PKIG: variants seen among roughly 807,000 people sequenced by gnomAD.
PKIG encodes cAMP-dependent protein kinase inhibitor gamma.
A neutral mutation model predicts 6.8 loss-of-function variants in PKIG; 1 was observed. The ratio of observed to expected loss-of-function variants is 0.15; its 90% CI spans 0.05 to 0.69. The LOEUF (loss-of-function observed/expected upper bound fraction) is 0.69, where lower values mean the gene tolerates loss of function less well. PKIG is among the 30% of genes least tolerant of loss of function. The pLI, the probability that PKIG is intolerant of heterozygous loss-of-function variation, is 0.82. For synonymous variants in PKIG, 39 were observed against 43.0 expected (o/e 0.91, Z 0.36); for missense variants, 77 against 104.0 (o/e 0.74, Z 1.13).
intron 1 of PKIG, among the ~76,000 whole-genome samples, chr20:44,541,791 C>T (rs1057450101): frequency 6.7e-6 from 1 of 148,980 alleles, no homozygotes; most frequent in African/African-American, 2.5e-5. Context: ...CAGGTTCAAG[C>T]GATTCTCCTG....
In PKIG at chr20:44,614,606, C is replaced by G. The variant is rs759800680; in HGVS notation, c.50C>G (p.Thr17Arg). ...TCGGACTTCATCTCCTGTGACCGGACAGGCCGTCGGAATGCGGTCCCTGAC... is the reference window on the plus strand; with the variant it reads ...TCGGACTTCATCTCCTGTGACCGGAGAGGCCGTCGGAATGCGGTCCCTGAC... ...SYSDFISCDR[T>R]GRRNAVPDIQ... Residue 17 changes from threonine to arginine, a missense_variant, in exon 3 of 4, where the codon ACA (threonine) becomes AGA (arginine). Coordinates refer to ENST00000372886, the MANE Select transcript of PKIG (RefSeq NM_001281445.2). This position sits in a 1 kb window ranked among gnomAD's most constrained non-coding sequence, Gnocchi z 4.6. The G allele has an allele frequency of 6.2e-7, 1 of 1,614,110 alleles. No individual in the cohort carries two copies. Among genetic ancestry groups the G allele is most frequent in the South Asian group, 1.1e-5 (1 of 91,084 alleles).
At chr20:44,617,046 TC>T (rs1295451361) in intron 3 of PKIG, among the ~76,000 whole-genome samples, 4 of 152,188 alleles carry the variant, frequency 2.6e-5, no homozygotes, top group Non-Finnish European at 5.9e-5. Flanking sequence ...CCACCCTTGA[TC>T]CAGGCAAATC....
chr20:44,578,178 A>G (rs1274431058), upstream of PKIG, among the ~76,000 whole-genome samples: 1 of 151,440 alleles, frequency 6.6e-6, no homozygotes, highest in Non-Finnish European at 1.5e-5. Flanking sequence ...ATCTCTACTA[A>G]GCATACAAAA....
chr20:44,571,070 C>T (rs1265408704), intron 1 of PKIG, among the ~76,000 whole-genome samples: 1 of 152,012 alleles, frequency 6.6e-6, no homozygotes, highest in Non-Finnish European at 1.5e-5. Flanking sequence ...CCCGTCTATA[C>T]TAAAAATACA....
intron 3 of PKIG, among the ~76,000 whole-genome samples, chr20:44,616,022 C>T (rs1484845627): frequency 6.6e-6 from 1 of 152,170 alleles, no homozygotes; most frequent in African/African-American, 2.4e-5. Flanking sequence ...TCCACAGGCT[C>T]ACCCTGCTCG....
At chr20:44,558,574 T>TTTTCTTTCTTTCTTTC (rs11377687) in intron 1 of PKIG, among the ~76,000 whole-genome samples, 9,257 of 131,824 alleles carry the variant, frequency 0.07, 530 homozygotes, top group African/African-American at 0.13. Context: ...TTTTTTTCTT[T>TTTTCTTTCTTTCTTTC]TTTCTTTCTT....
chr20:44,606,895 G>A lies in PKIG; in HGVS notation c.-23-7639G>A, dbSNP rs562734151. 5.3e-5 allele frequency among the ~76,000 whole-genome samples: 8 copies of A among 152,330 alleles called. No individual in the cohort carries two copies. In the East Asian group the frequency reaches 1.5e-3, roughly 29 times the overall value. On this transcript the variant is annotated intron_variant, in intron 2 of 3. Transcript: ENST00000372886. ...TCTGTGAGAACACAGTGTTCAAGGT[G>A]CCCTCTTGGAAGCAGAGAGCAGGCC...
chr20:44,578,587 T>TC (rs3092610), upstream of PKIG, among the ~76,000 whole-genome samples: 29,674 of 151,954 alleles, frequency 0.2, 3,464 homozygotes, highest in African/African-American at 0.32. Context: ...CATGCAACAT[T>TC]CCGGCTCTCC....
chr20:44,557,819 A>C (rs1600850072), intron 1 of PKIG, among the ~76,000 whole-genome samples: 1 of 151,878 alleles, frequency 6.6e-6, no homozygotes, highest in South Asian at 2.1e-4. Context: ...GCAAGACTCC[A>C]TCTCAAAAAA....
chr20:44,563,014 C>T (rs1255739515), intron 1 of PKIG, among the ~76,000 whole-genome samples: 4 of 152,144 alleles, frequency 2.6e-5, no homozygotes, highest in Non-Finnish European at 5.9e-5. Flanking sequence ...CGTGCCATTG[C>T]ACTCCAGTCT....
chr20:44,595,411 T>C (rs1478928996), intron 2 of PKIG, among the ~76,000 whole-genome samples: 1 of 152,264 alleles, frequency 6.6e-6, no homozygotes, highest in Non-Finnish European at 1.5e-5. Context: ...CTCTAGTGTT[T>C]CTGCTTAGGC....
chr20:44,610,678 C>T (rs942063668), intron 2 of PKIG, among the ~76,000 whole-genome samples: 1 of 152,170 alleles, frequency 6.6e-6, no homozygotes, highest in African/African-American at 2.4e-5. Context: ...GAAAGTTCCC[C>T]TTAATCACAA....
At chr20:44,565,203 CCTT>C (rs1318906928) in intron 1 of PKIG, among the ~76,000 whole-genome samples, 1 of 151,988 alleles carries the variant, frequency 6.6e-6, no homozygotes, top group Admixed American at 6.6e-5. Context: ...TTATTAAGCG[CCTT>C]CTGTTTGTCA....
chr20:44,592,275 C>T (rs2065040184), intron 2 of PKIG, among the ~76,000 whole-genome samples: 1 of 152,164 alleles, frequency 6.6e-6, no homozygotes, highest in Non-Finnish European at 1.5e-5. Context: ...TGCTCTCTGA[C>T]TTCTGTGGGT....
chr20:44,596,819 A>G (rs1475720276), intron 2 of PKIG, among the ~76,000 whole-genome samples: 4 of 152,140 alleles, frequency 2.6e-5, no homozygotes, highest in Non-Finnish European at 5.9e-5. Flanking sequence ...GCCTCTGAAT[A>G]TTGTCTTGGA....
intron 1 of PKIG, among the ~76,000 whole-genome samples, chr20:44,570,130 C>T (rs1283811404): frequency 6.6e-6 from 1 of 152,126 alleles, no homozygotes; most frequent in South Asian, 2.1e-4. Flanking sequence ...GACCCTGTCT[C>T]GAATGAATCA....
chr20:44,610,504 A>T (rs548625628), intron 2 of PKIG, among the ~76,000 whole-genome samples: 1,569 of 148,678 alleles, frequency 0.011, 28 homozygotes, highest in African/African-American at 0.037. Context: ...TCTCTCTCAC[A>T]CACACACACA....
intron 2 of PKIG, among the ~76,000 whole-genome samples, chr20:44,598,144 C>T (rs551638003): frequency 6.8e-4 from 103 of 152,280 alleles, no homozygotes; most frequent in African/African-American, 2.4e-3. Flanking sequence ...CGTCTCAGGA[C>T]CTCTCCCCTG....
intron 1 of PKIG, among the ~76,000 whole-genome samples, chr20:44,547,727 A>G (rs758855404): frequency 6.6e-6 from 1 of 152,176 alleles, no homozygotes; most frequent in Non-Finnish European, 1.5e-5. Flanking sequence ...AAATGGGAAT[A>G]GTAATAACAT....
Sources: allele counts gnomAD v4.1 joint callset (sites outside exome capture counted in the v4.1 genomes callset), GRCh38; gene constraint gnomAD v4.1.1; non-coding constraint Gnocchi (gnomAD v3.1); transcripts MANE v1.5; gene names NCBI Gene and HGNC (gene_info 2026-07-23, HGNC 2026-07-21).